Variants in THOC2 observed in about 807,000 individuals in gnomAD.
THOC2 encodes the protein THO complex subunit 2.
In THOC2, 10 loss-of-function variants were observed where a neutral mutation model predicts 128.4. The observed-to-expected ratio is 0.08, with a 90% CI of 0.05 to 0.13. The LOEUF is 0.13. Among genes scored for constraint, THOC2 ranks in the 10% least tolerant of loss-of-function variants. The pLI, the probability that THOC2 is intolerant of heterozygous loss-of-function variation, is 1.00. For missense variants in THOC2, 535 were observed against 1,155.7 expected (o/e 0.46, Z 7.79); for synonymous variants, 393 against 396.9 (o/e 0.99, Z 0.12).
At chrX:123,605,688 C>T (rs910647151) in intron 38 of THOC2, among the ~76,000 whole-genome samples, 2 of 111,454 alleles carry the variant, frequency 1.8e-5, no homozygotes, top group South Asian at 3.8e-4. Flanking sequence ...GATGAGTTCC[C>T]TATCCCATAC....
rs189170754 is a variant in THOC2, at chrX:123,705,460, C to G, written c.222+1398G>C. On this transcript the variant is annotated intron_variant, in intron 3 of 38. Transcript: ENST00000245838. ...GCAAGTACTCAGGCCACTTGAAGAT[C>G]AAAAATAGAGTAAGACAAGAGTTTT... Among the ~76,000 whole-genome samples the G allele has an allele frequency of 2.4e-3, 270 of 110,626 alleles. 2 individuals are homozygous for G. Among genetic ancestry groups the G allele is most frequent in the Non-Finnish European group, 4.1e-3 (215 of 52,801 alleles).
intron 4 of THOC2, among the ~76,000 whole-genome samples, chrX:123,700,104 A>G (rs2050628192): frequency 9.0e-6 from 1 of 110,692 alleles, no homozygotes; most frequent in African/African-American, 3.3e-5. Flanking sequence ...AGCATCACCA[A>G]TTACCTACCC....
At chrX:123,679,823 G>T (rs2049676946) in intron 8 of THOC2, among the ~76,000 whole-genome samples, 1 of 112,241 alleles carries the variant, frequency 8.9e-6, no homozygotes, top group African/African-American at 3.2e-5. Context: ...TCAACTCAGG[G>T]TTAAATGGAT....
At chrX:123,698,001 G>A (rs980764079) in intron 4 of THOC2, among the ~76,000 whole-genome samples, 7 of 110,306 alleles carry the variant, frequency 6.3e-5, no homozygotes, top group Admixed American at 5.8e-4. Flanking sequence ...ACCTGCTATG[G>A]CACTGGAAGC....
intron 4 of THOC2, among the ~76,000 whole-genome samples, chrX:123,698,295 T>C (rs1230137098): frequency 9.2e-6 from 1 of 109,189 alleles, no homozygotes; most frequent in Non-Finnish European, 1.9e-5. Context: ...CTGTCTCTAC[T>C]AAAAATGCAA....
intron 37 of THOC2, 36 bp downstream of exon 37, chrX:123,611,404 C>T (rs371418913): frequency 1.5e-5 from 16 of 1,089,448 alleles, no homozygotes; most frequent in Non-Finnish European, 2.0e-5. Context: ...AAGCTTTCTA[C>T]TACACTAACT....
At chrX:123,659,574 A>G (rs1451137636) in intron 12 of THOC2, among the ~76,000 whole-genome samples, 1 of 112,151 alleles carries the variant, frequency 8.9e-6, no homozygotes. Context: ...CGTCTCAAAA[A>G]AAAACAAAAA....
At chrX:123,626,285 A>G (rs2047268083) in intron 24 of THOC2, among the ~76,000 whole-genome samples, 1 of 111,851 alleles carries the variant, frequency 8.9e-6, no homozygotes, top group Non-Finnish European at 1.9e-5. Flanking sequence ...TTTATACAGA[A>G]AAGCTGAATG....
At chrX:123,639,166 A>G (rs943842919) in intron 16 of THOC2, 139 bp from the exon 17 acceptor site, 3 of 293,287 alleles carry the variant, frequency 1.0e-5, no homozygotes, top group Non-Finnish European at 1.8e-5. Flanking sequence ...TAAATATTTA[A>G]CAAAGTGGTT....
At chrX:123,620,871 C>T in intron 32 of THOC2, 36 bp downstream of exon 32, 1 of 1,188,686 alleles carries the variant, frequency 8.4e-7, no homozygotes. Flanking sequence ...ACAGGTGAGC[C>T]TAACATGGAC....
At chrX:123,726,192 G>A (rs182777721) in intron 1 of THOC2, among the ~76,000 whole-genome samples, 28 of 110,248 alleles carry the variant, frequency 2.5e-4, no homozygotes, top group Non-Finnish European at 4.9e-4. Flanking sequence ...CTGGGCGACA[G>A]AGTGAGACTC....
intron 4 of THOC2, among the ~76,000 whole-genome samples, chrX:123,699,312 A>C (rs1317567379): frequency 1.8e-5 from 2 of 112,132 alleles, no homozygotes; most frequent in Non-Finnish European, 3.8e-5. Flanking sequence ...CTGGCCCTTG[A>C]CTTTCCCTTC....
At chrX:123,723,007 T>C (rs764222307) in intron 1 of THOC2, among the ~76,000 whole-genome samples, 6 of 110,916 alleles carry the variant, frequency 5.4e-5, no homozygotes, top group Non-Finnish European at 1.1e-4. Flanking sequence ...GGTGAAACCC[T>C]GTCTCTACTA....
intron 7 of THOC2, among the ~76,000 whole-genome samples, chrX:123,694,678 T>G (rs1353023127): frequency 9.0e-6 from 1 of 110,740 alleles, no homozygotes; most frequent in Non-Finnish European, 1.9e-5. Context: ...TGGGAAGGTT[T>G]TTAAAAATGG....
At chrX:123,696,342 A>G (rs1259536770) in intron 6 of THOC2, among the ~76,000 whole-genome samples, 188 bp from the exon 7 acceptor site, 1 of 111,551 alleles carries the variant, frequency 9.0e-6, no homozygotes, top group Non-Finnish European at 1.9e-5. Flanking sequence ...GAGAACCCCA[A>G]TATTAATTAC....
At position 123,629,206 on chromosome X, in the gene THOC2, AACACACAC is replaced by A. The variant is rs754562050; in HGVS notation, c.2482-1246_2482-1239del. On this transcript the variant is annotated intron_variant, in intron 22 of 38. Transcript: ENST00000245838. ...TATATGAACATATATATTATACATG[AACACACAC>A]ACACACACACACACACACACACACA... Among the ~76,000 whole-genome samples the A allele has an allele frequency of 3.4e-3, 278 of 81,947 alleles. 1 individual carries two copies. Among genetic ancestry groups the A allele is most frequent in the African/African-American group, 0.01 (228 of 22,285 alleles). 71.2% of individuals were successfully genotyped at this position (81,947 alleles called of 115,157 possible).
intron 12 of THOC2, among the ~76,000 whole-genome samples, chrX:123,649,526 T>C (rs2048272503): frequency 9.0e-6 from 1 of 110,936 alleles, no homozygotes; most frequent in Non-Finnish European, 1.9e-5. Context: ...AGGAGCATGT[T>C]CTAACCAAAT....
intron 21 of THOC2, among the ~76,000 whole-genome samples, 179 bp from the exon 22 acceptor site, chrX:123,632,031 GACTAATCCAAGGTTTT>G (rs1325962596): frequency 2.7e-5 from 3 of 111,095 alleles, no homozygotes; most frequent in African/African-American, 9.8e-5. Flanking sequence ...CTGACAGGTT[GACTAATCCAAGGTTTT>G]ACTAGCCAAC....
intron 33 of THOC2, among the ~76,000 whole-genome samples, chrX:123,616,898 G>C (rs2046914603): frequency 9.1e-6 from 1 of 110,400 alleles, no homozygotes; most frequent in Non-Finnish European, 1.9e-5. Context: ...AGTAAAAATA[G>C]CAAATAAATA....
Sources: gnomAD v4.1 joint callset for allele counts (sites outside exome capture counted in the v4.1 genomes callset) on GRCh38, gnomAD v4.1.1 for gene constraint, MANE v1.5 for transcripts, NCBI Gene and HGNC (gene_info 2026-07-23, HGNC 2026-07-21) for gene names.